Variants in MPHOSPH10 observed in about 807,000 individuals in gnomAD.
MPHOSPH10 encodes the protein M-phase phosphoprotein 10, also known as U3 small nucleolar ribonucleoprotein MPP10.
MPHOSPH10 carries 33 observed loss-of-function variants against 77.3 expected under a neutral mutation model. The ratio of observed to expected loss-of-function variants is 0.43; its 90% CI spans 0.32 to 0.57. The LOEUF (loss-of-function observed/expected upper bound fraction) is 0.57, where lower values mean the gene tolerates loss of function less well. MPHOSPH10 is among the 20% of genes least tolerant of loss of function. The pLI is 0.07. For synonymous variants in MPHOSPH10, 245 were observed against 268.0 expected, an observed-to-expected ratio of 0.91 and a Z score of 0.84; for missense variants, 708 against 780.1, an observed-to-expected ratio of 0.91 and a Z score of 1.10.
At position 71,130,634 on chromosome 2, in the gene MPHOSPH10, A is replaced by G. The variant is rs10189836; in HGVS notation, c.-32A>G. ...TTTCCGGGCGGCTCCCTTCCCTTGC[A>G]TGCTGCATTGTGTCGGGAGTTGCTG... On this transcript the variant is annotated 5_prime_UTR_variant, in exon 1 of 11. An upstream start codon of the reference 5' UTR is lost. Transcript: ENST00000244230. The G allele has an allele frequency of 4.0e-3, 6,333 of 1,587,978 alleles. 226 individuals carry two copies. In the African/African-American group the frequency reaches 0.077, roughly 19 times the overall value.
In MPHOSPH10 at chr2:71,133,277, A is replaced by C. The variant is rs2103660296; in HGVS notation, c.469A>C (p.Lys157Gln). Residue 157 changes from lysine to glutamine, a missense_variant, in exon 2 of 11, where the codon AAA becomes CAA. Coordinates refer to ENST00000244230, the MANE Select transcript of MPHOSPH10 (RefSeq NM_005791.3). The part of the protein sequence containing the change: ...EMGERAENSS[K>Q]SDLRKSPVFS... Reference sequence around the variant, plus strand: ...GGGTGAGAGAGCTGAAAACTCAAGCAAATCTGATCTGAGGAAAAGCCCCGT... The same window carrying C: ...GGGTGAGAGAGCTGAAAACTCAAGCCAATCTGATCTGAGGAAAAGCCCCGT... 6.2e-7 allele frequency: 1 copy of C among 1,614,166 alleles called. No homozygotes were observed. Among genetic ancestry groups the C allele is most frequent in the East Asian group, 2.2e-5 (1 of 44,874 alleles).
At chr2:71,137,327 C>T (rs975044183) in intron 4 of MPHOSPH10, among the ~76,000 whole-genome samples, 5 of 151,938 alleles carry the variant, frequency 3.3e-5, no homozygotes, top group South Asian at 2.1e-4. Context: ...TTCTTTTAGA[C>T]GCATAGGCCA....
At chr2:71,141,846 A>G (rs970590514) in intron 7 of MPHOSPH10, among the ~76,000 whole-genome samples, 13 of 152,060 alleles carry the variant, frequency 8.5e-5, no homozygotes, top group African/African-American at 1.7e-4. Flanking sequence ...CCTGGCCAAC[A>G]TAGTGAAACC....
intron 1 of MPHOSPH10, among the ~76,000 whole-genome samples, chr2:71,132,468 C>T (rs988490954): frequency 2.0e-5 from 3 of 152,128 alleles, no homozygotes; most frequent in Non-Finnish European, 2.9e-5. Context: ...ATACATGTTT[C>T]CCAACCTTTA....
chr2:71,134,708 G>A lies in MPHOSPH10; in HGVS notation c.1009G>A (p.Asp337Asn). 1.2e-6 allele frequency: 2 copies of A among 1,611,986 alleles called. No individual in the cohort carries two copies. Among genetic ancestry groups the A allele is most frequent in the Non-Finnish European group, 1.7e-6 (2 of 1,178,794 alleles). ...SLKRVTFALP[D>N]DAETEDTGVL... is the part of the protein sequence containing the mutation. ...GAAAAGAGTGACCTTTGCTTTACCAGATGATGCGGAAACTGAAGATACAGG... is the reference window on the plus strand; with the variant it reads ...GAAAAGAGTGACCTTTGCTTTACCAAATGATGCGGAAACTGAAGATACAGG... The change falls in exon 4 of 11, where the codon GAT (aspartate) becomes AAT (asparagine). Residue 337 changes from aspartate to asparagine, a missense_variant. By Grantham distance (23) the Asp-to-Asn change is conservative. Coordinates refer to ENST00000244230, the MANE Select transcript of MPHOSPH10 (RefSeq NM_005791.3).
chr2:71,134,014 A>C lies in MPHOSPH10; in HGVS notation c.835A>C (p.Ile279Leu). The change falls in exon 3 of 11, where the codon ATA (isoleucine) becomes CTA (leucine). Residue 279 changes from isoleucine (I) to leucine (L), a missense_variant. By Grantham distance (5) the Ile-to-Leu change is conservative (BLOSUM62 2). This residue lies in a region of MPHOSPH10 where 433 missense variants were observed against 432.6 expected (regional missense o/e 1.00). Transcript: ENST00000244230. ...TGATCCAGTTGAAAGTGATGAAGAC[A>C]TAACAAATGTTCATGATGATGAGCT... is the stretch of plus-strand genomic sequence containing the variant. The part of the protein sequence containing the change: ...FFDPVESDED[I>L]TNVHDDELDS... 6.2e-7 allele frequency: 1 copy of C among 1,608,228 alleles called. No individual in the cohort carries two copies. Among genetic ancestry groups the C allele is most frequent in the Non-Finnish European group, 8.5e-7 (1 of 1,176,902 alleles).
chr2:71,135,575 G>GT (rs1220344093), intron 4 of MPHOSPH10, among the ~76,000 whole-genome samples: 1 of 151,404 alleles, frequency 6.6e-6, no homozygotes, highest in Non-Finnish European at 1.5e-5. Flanking sequence ...AAAGATAATT[G>GT]TTTTTTTCTC....
At chr2:71,142,151 G>T (rs1673626034) in intron 7 of MPHOSPH10, among the ~76,000 whole-genome samples, 1 of 152,156 alleles carries the variant, frequency 6.6e-6, no homozygotes, top group South Asian at 2.1e-4. Context: ...GATTTATTGG[G>T]AATGTGGGTA....
At chr2:71,134,871 AAAAC>A in intron 4 of MPHOSPH10, 74 bp downstream of exon 4, 1 of 1,227,026 alleles carries the variant, frequency 8.1e-7, no homozygotes. Flanking sequence ...CCATCCTTTG[AAAAC>A]AAATATCTTG....
intron 4 of MPHOSPH10, among the ~76,000 whole-genome samples, chr2:71,136,949 CACACACACACAG>C (rs1258368023): frequency 2.0e-5 from 3 of 146,532 alleles, no homozygotes; most frequent in Non-Finnish European, 4.5e-5. Context: ...CACACACACA[CACACACACACAG>C]AGCACAGTCT....
At chr2:71,140,090 C>T (rs1272172648) in intron 6 of MPHOSPH10, among the ~76,000 whole-genome samples, 1 of 152,158 alleles carries the variant, frequency 6.6e-6, no homozygotes, top group Non-Finnish European at 1.5e-5. Context: ...TATCCTTTCT[C>T]GTGAGTCTTG....
chr2:71,147,918 T>A, intron 8 of MPHOSPH10, 81 bp from the exon 9 acceptor site: 3 of 1,064,414 alleles, frequency 2.8e-6, no homozygotes, highest in Non-Finnish European at 1.4e-6. Flanking sequence ...TATTATACTT[T>A]AAGTTAATAG....
intron 5 of MPHOSPH10, 93 bp downstream of exon 5, chr2:71,138,724 C>G: frequency 6.5e-7 from 1 of 1,539,932 alleles, no homozygotes; most frequent in Non-Finnish European, 8.9e-7. Flanking sequence ...TTTCCCTCAA[C>G]TTTTTATTTT....
Position 71,141,314 on chromosome 2 carries a change from A to G in MPHOSPH10, c.1391A>G (p.Lys464Arg). 6.4e-7 allele frequency: 1 copy of G among 1,570,954 alleles called. No individual in the cohort carries two copies. The highest frequency in any genetic ancestry group is 8.6e-7 in the Non-Finnish European group (1 of 1,159,884). Residue 464 changes from lysine (K) to arginine (R), a missense_variant, in exon 7 of 11, where the codon AAG (lysine) becomes AGG (arginine). Physicochemically the swap from Lys to Arg is conservative, Grantham distance 26 (BLOSUM62 2). This residue lies in a region of MPHOSPH10 where 263 missense variants were observed against 320.0 expected (regional missense o/e 0.82). Coordinates refer to ENST00000244230, the MANE Select transcript of MPHOSPH10 (RefSeq NM_005791.3). ...AAGCGTTTAACCTTAGACCATGAGAAGAGTAAATTGAGCCTTGCTGAAATT... is the reference window on the plus strand; with the variant it reads ...AAGCGTTTAACCTTAGACCATGAGAGGAGTAAATTGAGCCTTGCTGAAATT... ...YKKRLTLDHE[K>R]SKLSLAEIYE...
rs999617509 is a variant in MPHOSPH10 at position 71,149,985 on chromosome 2, G to A, written c.2016G>A (p.Gln672=). The A allele has an allele frequency of 4.9e-6, 7 of 1,426,362 alleles. No homozygotes were observed. Among genetic ancestry groups the A allele is most frequent in the Middle Eastern group, 2.3e-4 (1 of 4,386 alleles). The allele number at this position is 1,426,362 out of a possible 1,614,324, so 88.4% of individuals were successfully genotyped here. ...CAGAAAAGAAAAAGAAGAAAAGACA[G>A]GATATTTCTGTTCATAAATTAAAGC... is the stretch of plus-strand genomic sequence containing the variant. The part of the protein sequence containing the change: ...KKTEKKKKKR[Q]DISVHKLKL Residue 672 remains glutamine (Q), a synonymous_variant, in exon 11 of 11, where the codon CAG becomes CAA. Transcript: ENST00000244230.
chr2:71,133,955 A>G lies in MPHOSPH10; in HGVS notation c.776A>G (p.Lys259Arg), dbSNP rs778530966. Residue 259 changes from lysine (K) to arginine (R), a missense_variant, in exon 3 of 11, where the codon AAA (lysine) becomes AGA (arginine). Lys to Arg is a conservative substitution (Grantham distance 26). Transcript: ENST00000244230. ...LFGSKKLKSG[K>R]SSRNLKYKDF... Reference sequence around the variant, plus strand: ...AATATCTTTTTATTTTAGTCAGGTAAAAGTTCCAGAAATCTGAAATACAAA... The same window carrying G: ...AATATCTTTTTATTTTAGTCAGGTAGAAGTTCCAGAAATCTGAAATACAAA... The G allele has an allele frequency of 1.9e-6, 3 of 1,564,538 alleles. No individual in the cohort carries two copies. Among genetic ancestry groups the G allele is most frequent in the Non-Finnish European group, 2.6e-6 (3 of 1,153,474 alleles).
At chr2:71,134,201 C>G (rs922911220) in intron 3 of MPHOSPH10, 96 bp downstream of exon 3, 1 of 1,227,430 alleles carries the variant, frequency 8.1e-7, no homozygotes, top group Non-Finnish European at 1.1e-6. Context: ...TTAGCAAGTT[C>G]TATTCTCTAA....
chr2:71,143,550 C>G (rs954844494), intron 7 of MPHOSPH10, among the ~76,000 whole-genome samples: 4 of 152,118 alleles, frequency 2.6e-5, no homozygotes, highest in African/African-American at 9.7e-5. Context: ...ACTACTAGCT[C>G]TCTCTAGTTC....
chr2:71,143,663 T>G (rs1410515937), intron 7 of MPHOSPH10, among the ~76,000 whole-genome samples: 3 of 152,174 alleles, frequency 2.0e-5, no homozygotes, highest in African/African-American at 7.2e-5. Context: ...CTGCATTCTA[T>G]CTCTGTGGAT....
Sources: gnomAD v4.1 joint callset for allele counts (sites outside exome capture counted in the v4.1 genomes callset) on GRCh38, gnomAD v4.1.1 for gene constraint, gnomAD v4.1.1 regional missense constraint, MANE v1.5 for transcripts, NCBI Gene and HGNC (gene_info 2026-07-23, HGNC 2026-07-21) for gene names.